GALNT13: variants seen among roughly 807,000 people sequenced by gnomAD.
GALNT13 encodes the protein UDP-GalNAc:polypeptide N-acetylgalactosaminyltransferase 13.
GALNT13 carries 28 observed loss-of-function variants against 64.2 expected under a neutral mutation model. The observed-to-expected ratio is 0.44, with a 90% CI of 0.32 to 0.60. The LOEUF is 0.60. Among genes scored for constraint, GALNT13 ranks in the 20% least tolerant of loss-of-function variants. GALNT13 has a pLI of 0.05. For synonymous variants in GALNT13, 214 were observed against 224.6 expected, an observed-to-expected ratio of 0.95 and a Z score of 0.42; for missense variants, 577 against 669.8, an observed-to-expected ratio of 0.86 and a Z score of 1.53.
chr2:154,088,474 G>A (rs372455154), intron 3 of GALNT13, among the ~76,000 whole-genome samples: 9 of 152,162 alleles, frequency 5.9e-5, no homozygotes, highest in South Asian at 2.1e-4. Context: ...ATTTAGAGGC[G>A]GAGTTTTGCT....
At chr2:153,390,179 G>C in the GALNT13 span, among the ~76,000 whole-genome samples, 3 of 152,084 alleles carry the variant, frequency 2.0e-5, no homozygotes, top group Non-Finnish European at 2.9e-5. Context: ...GATGAAGCTG[G>C]AAACCATCAT....
chr2:153,758,654 A>G, the GALNT13 span, among the ~76,000 whole-genome samples: 2 of 152,136 alleles, frequency 1.3e-5, no homozygotes, highest in Non-Finnish European at 2.9e-5. Context: ...GTGCAATGGC[A>G]TGATCTTGGC....
intron 3 of GALNT13, among the ~76,000 whole-genome samples, chr2:154,064,734 C>T (rs141760420): frequency 6.6e-6 from 1 of 152,184 alleles, no homozygotes; most frequent in Non-Finnish European, 1.5e-5. Context: ...GTGGTAGCCA[C>T]GTAATACACC....
intron 9 of GALNT13, among the ~76,000 whole-genome samples, chr2:154,304,117 T>C (rs1351553673): frequency 6.6e-6 from 1 of 152,206 alleles, no homozygotes; most frequent in African/African-American, 2.4e-5. Flanking sequence ...AAGTTTCTTA[T>C]TAAGATCCAG....
At chr2:153,819,322 G>T in the GALNT13 span, among the ~76,000 whole-genome samples, 1 of 152,162 alleles carries the variant, frequency 6.6e-6, no homozygotes. Flanking sequence ...CAATCACATT[G>T]TGGTCCAGAG....
chr2:154,420,897 T>C (rs1700219767), intron 11 of GALNT13, among the ~76,000 whole-genome samples: 1 of 152,180 alleles, frequency 6.6e-6, no homozygotes, highest in Admixed American at 6.6e-5. Flanking sequence ...TATGATTAGT[T>C]GCTTTGCTGT....
the GALNT13 span, among the ~76,000 whole-genome samples, chr2:153,098,122 A>T: frequency 6.6e-6 from 1 of 152,164 alleles, no homozygotes. Context: ...TATAGCCATC[A>T]CTTAGTTGCA....
chr2:153,765,666 T>A, the GALNT13 span, among the ~76,000 whole-genome samples: 2,466 of 152,042 alleles, frequency 0.016, 75 homozygotes, highest in East Asian at 0.13. Context: ...TTTTTAAATG[T>A]GAAAAGGGAC....
chr2:153,753,389 G>C, the GALNT13 span, among the ~76,000 whole-genome samples: 1 of 151,998 alleles, frequency 6.6e-6, no homozygotes, highest in African/African-American at 2.4e-5. Context: ...GTCCATCTTG[G>C]GAAAGCTTTC....
intron 9 of GALNT13, among the ~76,000 whole-genome samples, chr2:154,310,676 TTG>T (rs1205822182): frequency 1.3e-5 from 2 of 152,098 alleles, no homozygotes; most frequent in East Asian, 3.9e-4. Flanking sequence ...AACAACTTCT[TTG>T]TGAACCCAAG....
the GALNT13 span, among the ~76,000 whole-genome samples, chr2:153,072,325 C>T: frequency 1.3e-5 from 2 of 152,130 alleles, no homozygotes; most frequent in Non-Finnish European, 2.9e-5. Flanking sequence ...CCTCTGCAGA[C>T]AGCCTCTCCC....
the GALNT13 span, among the ~76,000 whole-genome samples, chr2:153,776,690 A>T: frequency 2.6e-5 from 4 of 152,262 alleles, no homozygotes; most frequent in African/African-American, 4.8e-5. Flanking sequence ...AATGTTTTTT[A>T]AAAAAAGACT....
chr2:153,454,874 G>C, the GALNT13 span, among the ~76,000 whole-genome samples: 1 of 152,178 alleles, frequency 6.6e-6, no homozygotes, highest in Admixed American at 6.5e-5. Context: ...ATCATTCATG[G>C]ATAATATTCC....
intron 9 of GALNT13, among the ~76,000 whole-genome samples, chr2:154,363,894 C>T (rs1034354019): frequency 2.3e-4 from 35 of 152,288 alleles, no homozygotes; most frequent in African/African-American, 7.9e-4. Context: ...GTCTCAATCC[C>T]TGTATAGCCT....
At chr2:153,234,410 G>A in the GALNT13 span, among the ~76,000 whole-genome samples, 2 of 152,142 alleles carry the variant, frequency 1.3e-5, no homozygotes, top group East Asian at 1.9e-4. Context: ...GAGCAGGGCT[G>A]TGGCATCCTG....
At chr2:153,718,562 C>A in the GALNT13 span, among the ~76,000 whole-genome samples, 6 of 152,210 alleles carry the variant, frequency 3.9e-5, no homozygotes, top group African/African-American at 1.2e-4. Flanking sequence ...GTGAAATTTG[C>A]AGCTGATGGG....
the GALNT13 span, among the ~76,000 whole-genome samples, chr2:153,133,902 C>A: frequency 1.3e-5 from 2 of 152,138 alleles, no homozygotes; most frequent in African/African-American, 4.8e-5. Context: ...CCAGACATGG[C>A]GCTCTGCACA....
chr2:153,218,349 T>TA, the GALNT13 span, among the ~76,000 whole-genome samples: 1 of 152,216 alleles, frequency 6.6e-6, no homozygotes, highest in African/African-American at 2.4e-5. Flanking sequence ...ACTTAATCCT[T>TA]AGTGTTTCTG....
chr2:154,120,547 T>C (rs1681881782), intron 3 of GALNT13, among the ~76,000 whole-genome samples: 3 of 152,170 alleles, frequency 2.0e-5, no homozygotes, highest in Admixed American at 2.0e-4. Flanking sequence ...TTTATTTCTC[T>C]GGAATGTATG....
Sources: allele counts gnomAD v4.1 joint callset (sites outside exome capture counted in the v4.1 genomes callset), GRCh38; gene constraint gnomAD v4.1.1; transcripts MANE v1.5; gene names NCBI Gene and HGNC (gene_info 2026-07-23, HGNC 2026-07-21).